Variants in CDHR3 observed in about 807,000 individuals in gnomAD.
CDHR3 encodes cadherin related family member 3, also known as cadherin-related family member 3.
Under a neutral mutation model 86.6 loss-of-function variants are expected in CDHR3, and 79 were observed. The ratio of observed to expected loss-of-function variants is 0.91; its 90% confidence interval spans 0.76 to 1.10. The LOEUF is 1.10. CDHR3 is among the 50% of genes least tolerant of loss of function. The pLI is 0.00. For missense variants in CDHR3, 1,081 were observed against 1,077.6 expected (o/e 1.00, Z -0.04); for synonymous variants, 421 against 402.4 (o/e 1.05, Z -0.55).
intron 1 of CDHR3, among the ~76,000 whole-genome samples, chr7:105,964,974 T>A (rs1315775958): frequency 6.6e-6 from 1 of 152,220 alleles, no homozygotes; most frequent in African/African-American, 2.4e-5. Context: ...ACTTTTATTG[T>A]CACTGGGGAA....
At chr7:105,993,856 G>A (rs1036069838) in intron 4 of CDHR3, among the ~76,000 whole-genome samples, 7 of 152,128 alleles carry the variant, frequency 4.6e-5, no homozygotes, top group African/African-American at 1.4e-4. Flanking sequence ...CCCTCAGCGG[G>A]CTGTACACAT....
In CDHR3 at chr7:106,012,884, C is replaced by T. The variant is rs141149124; in HGVS notation, c.1077C>T (p.Ala359=). The T allele has an allele frequency of 6.8e-6, 11 of 1,610,114 alleles. No individual in the cohort carries two copies. In the East Asian group the frequency reaches 8.9e-5, roughly 13 times the overall value. The change falls in exon 9 of 19, where the codon GCC becomes GCT. Residue 359 remains alanine (A), a synonymous_variant. Transcript: ENST00000317716. ...TFSIMVPERT[A]KGTLLLDLNK... ...GCATTATGGTGCCGGAAAGAACAGC[C>T]AAGGGGACGTTGCTTCTTGACCTAA...
chr7:106,016,024 C>CG lies in CDHR3; in HGVS notation c.1426+1dup. Reference sequence around the variant, plus strand: ...TATTTGATGTGTCAGAAAGAAGGCCCGGTAAGTAACAGATAAGACACAGAC... The same window carrying CG: ...TATTTGATGTGTCAGAAAGAAGGCCCGGGTAAGTAACAGATAAGACACAGAC... On this transcript the variant is annotated frameshift_variant and splice_region_variant, in exon 11 of 19. Transcript: ENST00000317716. LOFTEE classifies it high-confidence loss of function. 6.3e-7 allele frequency: 1 copy of CG among 1,596,134 alleles called. No homozygotes were observed. Among genetic ancestry groups the CG allele is most frequent in the Non-Finnish European group, 8.6e-7 (1 of 1,166,750 alleles).
chr7:105,984,972 T>A (rs865805362), intron 4 of CDHR3, among the ~76,000 whole-genome samples: 2 of 151,356 alleles, frequency 1.3e-5, no homozygotes, highest in South Asian at 2.1e-4. Context: ...GGTGGAAGGA[T>A]CGCTTGAGCC....
chr7:105,986,033 T>C (rs1273050900), intron 4 of CDHR3, among the ~76,000 whole-genome samples: 4 of 152,200 alleles, frequency 2.6e-5, no homozygotes, highest in African/African-American at 9.7e-5. Flanking sequence ...GATTGCCAGA[T>C]GGCTGCTGCA....
rs368251641 is a variant in CDHR3 at position 105,981,070 on chromosome 7, G to A, written c.352G>A (p.Val118Ile). The change falls in exon 3 of 19, where the codon GTC becomes ATC. Residue 118 changes from valine (V) to isoleucine (I), a missense_variant. By Grantham distance (29) the Val-to-Ile change is conservative (BLOSUM62 3). Coordinates refer to ENST00000317716, the MANE Select transcript of CDHR3 (RefSeq NM_152750.5). ...KDEVGVTDLQ[V>I]LTVQVTDVNE... ...TGAGGTTGGTGTCACAGACCTGCAAGTCCTGACTGTCCAGGTAACAGATGT... is the reference window on the plus strand; with the variant it reads ...TGAGGTTGGTGTCACAGACCTGCAAATCCTGACTGTCCAGGTAACAGATGT... The A allele has an allele frequency of 8.7e-6, 14 of 1,613,488 alleles. No individual in the cohort carries two copies. The African/African-American group carries it at 1.9e-4, about 22-fold the overall frequency.
chr7:106,001,403 T>C (rs1833150210), intron 6 of CDHR3, 59 bp from the exon 7 acceptor site: 1 of 1,599,022 alleles, frequency 6.3e-7, no homozygotes, highest in Admixed American at 1.7e-5. Flanking sequence ...ACCAATCGCC[T>C]AGATGCTACC....
At chr7:106,017,437 TA>T (rs1835808620) in intron 11 of CDHR3, among the ~76,000 whole-genome samples, 1 of 151,936 alleles carries the variant, frequency 6.6e-6, no homozygotes, top group Admixed American at 6.6e-5. Flanking sequence ...TGGGCACCTG[TA>T]ATCCCAGCTA....
chr7:106,025,426 C>T (rs1188326941), intron 15 of CDHR3, among the ~76,000 whole-genome samples: 2 of 152,182 alleles, frequency 1.3e-5, no homozygotes, highest in African/African-American at 4.8e-5. Context: ...GTAAACAAGG[C>T]ACTTAACTGT....
intron 2 of CDHR3, among the ~76,000 whole-genome samples, chr7:105,978,396 C>T (rs1422567049): frequency 1.3e-5 from 2 of 152,186 alleles, no homozygotes; most frequent in Non-Finnish European, 2.9e-5. Flanking sequence ...CCCCTCTTTT[C>T]CCATCTACTG....
intron 14 of CDHR3, among the ~76,000 whole-genome samples, chr7:106,023,363 A>G (rs1006190671): frequency 1.3e-5 from 2 of 152,338 alleles, no homozygotes; most frequent in South Asian, 2.1e-4. Flanking sequence ...CAAGTATTCA[A>G]ATTGACAAAG....
At chr7:106,011,079 C>A (rs1481699987) in intron 8 of CDHR3, among the ~76,000 whole-genome samples, 1 of 152,198 alleles carries the variant, frequency 6.6e-6, no homozygotes, top group African/African-American at 2.4e-5. Context: ...GGTTAAAGGT[C>A]TTCCAGGCAC....
intron 3 of CDHR3, among the ~76,000 whole-genome samples, chr7:105,982,427 C>T (rs1189799649): frequency 6.7e-6 from 1 of 148,684 alleles, no homozygotes; most frequent in Non-Finnish European, 1.5e-5. Context: ...TGAGATTGCT[C>T]CACTGCACTC....
In CDHR3 at chr7:106,024,495, G is replaced by C. The variant is rs372150083; in HGVS notation, c.2191G>C (p.Val731Leu). 1.2e-6 allele frequency: 2 copies of C among 1,613,922 alleles called. No homozygotes were observed. Among genetic ancestry groups the C allele is most frequent in the African/African-American group, 2.7e-5 (2 of 74,934 alleles). ...ILLLGLLVYL[V>L]VLLAKAIHRH... is the part of the protein sequence containing the mutation. ...GCTTCTGGGTCTCCTCGTGTACCTG[G>C]TCGTCCTATTGGCCAAAGCCATCCA... The change falls in exon 15 of 19, where the codon GTC becomes CTC. Residue 731 changes from valine (V) to leucine (L), a missense_variant. By Grantham distance (32) the Val-to-Leu change is conservative. Transcript: ENST00000317716.
chr7:105,973,631 G>T (rs1828314906), intron 1 of CDHR3, among the ~76,000 whole-genome samples: 1 of 152,142 alleles, frequency 6.6e-6, no homozygotes, highest in African/African-American at 2.4e-5. Flanking sequence ...CAATATGACT[G>T]CCTCTCAACT....
intron 1 of CDHR3, among the ~76,000 whole-genome samples, chr7:105,971,796 C>T (rs1159531501): frequency 6.6e-6 from 1 of 152,072 alleles, no homozygotes; most frequent in African/African-American, 2.4e-5. Flanking sequence ...TTAGCAAGTC[C>T]CTTCTACCTG....
Position 106,004,588 on chromosome 7 carries a change from A to G in CDHR3, c.953A>G (p.Lys318Arg). 2 of 1,614,054 alleles carry G rather than the reference A, an allele frequency of 1.2e-6. No individual in the cohort carries two copies. Residue 318 changes from lysine to arginine, a missense_variant, in exon 8 of 19, where the codon AAG (lysine) becomes AGG (arginine). Physicochemically the swap from Lys to Arg is conservative, Grantham distance 26. Transcript: ENST00000317716. ...ACCATTTCCCTGGAAGTTCTAGTGA[A>G]GGACAGACCATATGGGGGTCAGGAG... The part of the protein sequence containing the change: ...NPTISLEVLV[K>R]DRPYGGQENR...
intron 17 of CDHR3, among the ~76,000 whole-genome samples, chr7:106,029,438 A>G (rs960036942): frequency 1.3e-5 from 2 of 152,146 alleles, no homozygotes; most frequent in Non-Finnish European, 2.9e-5. Flanking sequence ...AATGGGGGTG[A>G]GGATATCTGC....
chr7:105,981,220 A>C, intron 3 of CDHR3, 87 bp downstream of exon 3: 2 of 1,358,846 alleles, frequency 1.5e-6, no homozygotes, highest in Non-Finnish European at 2.0e-6. Flanking sequence ...AAAAGTAAAT[A>C]AACAAGCAGC....
Sources: allele counts gnomAD v4.1 joint callset (sites outside exome capture counted in the v4.1 genomes callset), GRCh38; gene constraint gnomAD v4.1.1; transcripts MANE v1.5; gene names NCBI Gene and HGNC (gene_info 2026-07-23, HGNC 2026-07-21).